Variants in ALK observed in about 807,000 individuals in gnomAD.
ALK encodes ALK tyrosine kinase receptor.
A neutral mutation model predicts 163.1 loss-of-function variants in ALK; 74 were observed. That is an observed-to-expected ratio of 0.45 (90% CI 0.38 to 0.55). ALK has a LOEUF of 0.55. Among genes scored for constraint, ALK ranks in the 20% least tolerant of loss-of-function variants. The probability of loss-of-function intolerance (pLI) is 0.00; values close to 1 mark genes in which losing one functional copy is unlikely to be tolerated. For synonymous variants in ALK, 960 were observed against 843.2 expected, an observed-to-expected ratio of 1.14 and a Z score of -2.40; for missense variants, 2,063 against 2,105.3, an observed-to-expected ratio of 0.98 and a Z score of 0.39.
intron 3 of ALK, among the ~76,000 whole-genome samples, chr2:29,694,326 A>G (rs938964299): frequency 2.0e-5 from 3 of 152,254 alleles, no homozygotes; most frequent in Admixed American, 6.5e-5. Flanking sequence ...CGGCTTAGAA[A>G]CATTTAAGCC....
intron 4 of ALK, among the ~76,000 whole-genome samples, chr2:29,389,805 C>T (rs1026787228): frequency 3.3e-5 from 5 of 152,240 alleles, no homozygotes; most frequent in Admixed American, 6.5e-5. Flanking sequence ...GGAACTTTGG[C>T]GGTTGCATTA....
At chr2:29,426,604 T>C (rs1484866408) in intron 4 of ALK, among the ~76,000 whole-genome samples, 2 of 152,086 alleles carry the variant, frequency 1.3e-5, no homozygotes, top group Admixed American at 6.6e-5. Context: ...AGGAATTTCT[T>C]CAGGCTGAAA....
chr2:29,541,623 G>T (rs1322310684), intron 3 of ALK, among the ~76,000 whole-genome samples: 3 of 152,134 alleles, frequency 2.0e-5, no homozygotes, highest in Admixed American at 2.0e-4. Context: ...CTTCAAAGTG[G>T]GGACTGAAGG....
chr2:29,806,831 A>C (rs1049257076), intron 1 of ALK, among the ~76,000 whole-genome samples: 10 of 152,202 alleles, frequency 6.6e-5, no homozygotes, highest in Non-Finnish European at 1.2e-4. Flanking sequence ...AAGCAAAACA[A>C]ATGAGTTGCA....
chr2:29,345,769 A>T (rs1287179067), intron 5 of ALK, among the ~76,000 whole-genome samples: 1 of 152,174 alleles, frequency 6.6e-6, no homozygotes, highest in Non-Finnish European at 1.5e-5. Flanking sequence ...TGTGTCACAC[A>T]AGGGTGTTTT....
chr2:29,660,014 T>TA (rs1211325859), intron 3 of ALK, among the ~76,000 whole-genome samples: 1 of 152,192 alleles, frequency 6.6e-6, no homozygotes, highest in African/African-American at 2.4e-5. Flanking sequence ...TAAAAAGTGA[T>TA]ACCCCACTTT....
intron 3 of ALK, among the ~76,000 whole-genome samples, chr2:29,537,991 T>C (rs1201546625): frequency 1.3e-5 from 2 of 152,246 alleles, no homozygotes; most frequent in African/African-American, 4.8e-5. Flanking sequence ...GGAACAAGAA[T>C]GTTTACCCAA....
At chr2:29,368,719 C>T (rs549596241) in intron 5 of ALK, among the ~76,000 whole-genome samples, 1 of 152,248 alleles carries the variant, frequency 6.6e-6, no homozygotes, top group South Asian at 2.1e-4. Context: ...GCCTTTTTCT[C>T]CCTTTCTCTC....
intron 1 of ALK, among the ~76,000 whole-genome samples, chr2:29,858,783 A>G (rs866004291): frequency 5.3e-5 from 8 of 151,856 alleles, no homozygotes; most frequent in African/African-American, 9.7e-5. Flanking sequence ...TCATGCCTGT[A>G]ATCCCAGCAC....
Position 29,488,107 on chromosome 2 carries a change from T to C in ALK, c.1154+43808A>G, listed in dbSNP as rs1357436526. ...CTGACTTAACTTCATAGCAGCTGGG[T>C]TCATCTCATATGCAGTTCTAGGTAA... is the stretch of plus-strand genomic sequence containing the variant. On this transcript the variant is annotated intron_variant, in intron 4 of 28. Coordinates refer to ENST00000389048, the MANE Select transcript of ALK (RefSeq NM_004304.5). 2.6e-5 allele frequency among the ~76,000 whole-genome samples: 4 copies of C among 152,192 alleles called. No individual in the cohort carries two copies. In the South Asian group the frequency reaches 6.2e-4, roughly 24 times the overall value.
At chr2:29,448,681 G>C (rs926134465) in intron 4 of ALK, among the ~76,000 whole-genome samples, 5 of 152,278 alleles carry the variant, frequency 3.3e-5, no homozygotes, top group African/African-American at 1.2e-4. Flanking sequence ...GCTGCCTTCA[G>C]ATTACTTTGG....
At chr2:29,860,884 G>C (rs1666270990) in intron 1 of ALK, among the ~76,000 whole-genome samples, 1 of 152,168 alleles carries the variant, frequency 6.6e-6, no homozygotes. Flanking sequence ...TAAAAGGTAA[G>C]TTTATAGCAA....
chr2:29,598,558 G>A (rs2148212702), intron 3 of ALK, among the ~76,000 whole-genome samples: 1 of 152,302 alleles, frequency 6.6e-6, no homozygotes, highest in African/African-American at 2.4e-5. Context: ...GGGCAGCCAT[G>A]GGTCTAGAGA....
chr2:29,555,479 G>T (rs2148178450), intron 3 of ALK, among the ~76,000 whole-genome samples: 1 of 152,168 alleles, frequency 6.6e-6, no homozygotes, highest in South Asian at 2.1e-4. Flanking sequence ...CTGTTTAATT[G>T]GGAACAGTCA....
chr2:29,894,855 C>A (rs199780086), intron 1 of ALK, among the ~76,000 whole-genome samples: 117 of 144,110 alleles, frequency 8.1e-4, no homozygotes, highest in African/African-American at 3.3e-3. Context: ...CACACACAAA[C>A]ACACACACAC....
intron 1 of ALK, among the ~76,000 whole-genome samples, chr2:29,775,886 G>T (rs1188286537): frequency 6.6e-6 from 1 of 152,204 alleles, no homozygotes; most frequent in Non-Finnish European, 1.5e-5. Flanking sequence ...AATCATAAAG[G>T]TCAGGGCACC....
intron 4 of ALK, among the ~76,000 whole-genome samples, chr2:29,478,609 G>A (rs1671585103): frequency 6.6e-6 from 1 of 152,220 alleles, no homozygotes; most frequent in South Asian, 2.1e-4. Context: ...GACTGACGAG[G>A]AATAAGTCAT....
At chr2:29,485,861 A>AT (rs1011369055) in intron 4 of ALK, among the ~76,000 whole-genome samples, 2 of 151,918 alleles carry the variant, frequency 1.3e-5, no homozygotes, top group Non-Finnish European at 2.9e-5. Context: ...CCTCAGTGGC[A>AT]TTTTTTTTAG....
rs570365486 is a variant in ALK, at chr2:29,377,518, A to G, written c.1282+6214T>C. On this transcript the variant is annotated intron_variant, in intron 5 of 28. Transcript: ENST00000389048. ...GAGAGAGCTTAGAATCAGACTGTCC[A>G]ATGGTTCTTAAAATGTATTTCATGA... is the stretch of plus-strand genomic sequence containing the variant. Among the ~76,000 whole-genome samples, 4 of 151,252 alleles carry G rather than the reference A, an allele frequency of 2.6e-5. No individual in the cohort carries two copies. In the South Asian group the frequency reaches 8.4e-4, roughly 32 times the overall value.
Sources: gnomAD v4.1 joint callset for allele counts (sites outside exome capture counted in the v4.1 genomes callset) on GRCh38, gnomAD v4.1.1 for gene constraint, MANE v1.5 for transcripts, NCBI Gene and HGNC (gene_info 2026-07-23, HGNC 2026-07-21) for gene names.